The following ADAMTS9 variants were observed in gnomAD, a reference collection of about 807,000 sequenced individuals.
ADAMTS9 encodes A disintegrin and metalloproteinase with thrombospondin motifs 9.
In ADAMTS9, 107 loss-of-function variants were observed where a neutral mutation model predicts 257.1. The ratio of observed to expected loss-of-function variants is 0.42; its 90% CI spans 0.36 to 0.49. ADAMTS9 has a LOEUF of 0.49. Among genes scored for constraint, ADAMTS9 ranks in the 20% least tolerant of loss-of-function variants. The pLI, the probability that ADAMTS9 is intolerant of heterozygous loss-of-function variation, is 0.03. For missense variants in ADAMTS9, 2,353 were observed against 2,469.1 expected, an observed-to-expected ratio of 0.95 and a Z score of 1.00; for synonymous variants, 982 against 880.9, an observed-to-expected ratio of 1.11 and a Z score of -2.03.
intron 37 of ADAMTS9, among the ~76,000 whole-genome samples, chr3:64,538,711 G>C (rs894489626): frequency 6.6e-6 from 1 of 152,170 alleles, no homozygotes; most frequent in Non-Finnish European, 1.5e-5. Context: ...GCTTTTGAGA[G>C]TCAACTGTCT....
In ADAMTS9 at chr3:64,604,013, T is replaced by C. The variant is rs1318545072; in HGVS notation, c.3656A>G (p.Glu1219Gly). Residue 1219 changes from glutamate to glycine, a missense_variant, in exon 25 of 40, where the codon GAG (glutamate) becomes GGG (glycine). Coordinates refer to ENST00000498707, the MANE Select transcript of ADAMTS9 (RefSeq NM_182920.2). ...CRDENGSVADESACATLPRPV... is the reference protein window; with the variant it reads ...CRDENGSVADGSACATLPRPV... ...TCTAGGCAGGGTAGCACAGGCACTC[T>C]CGTCAGCCACAGAGCCATTCTCATC... 2.5e-6 allele frequency: 4 copies of C among 1,614,054 alleles called. No individual in the cohort carries two copies. Among genetic ancestry groups the C allele is most frequent in the Admixed American group, 1.7e-5 (1 of 60,008 alleles).
intron 3 of ADAMTS9, among the ~76,000 whole-genome samples, chr3:64,664,866 T>C (rs11915538): frequency 0.19 from 28,327 of 152,182 alleles, 3,056 homozygotes; most frequent in Non-Finnish European, 0.25. Flanking sequence ...CCAAAGTGGT[T>C]ACACCATTTT....
intron 20 of ADAMTS9, 76 bp downstream of exon 20, chr3:64,615,884 T>G: frequency 6.4e-7 from 1 of 1,560,228 alleles, no homozygotes; most frequent in African/African-American, 1.4e-5. Flanking sequence ...TAAATGGGGC[T>G]TACACACCTG....
At chr3:64,629,952 C>T (rs1186860252) in intron 16 of ADAMTS9, among the ~76,000 whole-genome samples, 3 of 152,200 alleles carry the variant, frequency 2.0e-5, no homozygotes, top group Non-Finnish European at 4.4e-5. Flanking sequence ...TCAACAAATA[C>T]TCATTTACCA....
intron 3 of ADAMTS9, among the ~76,000 whole-genome samples, chr3:64,662,275 C>G (rs566602792): frequency 3.0e-4 from 46 of 152,036 alleles, no homozygotes; most frequent in Non-Finnish European, 4.3e-4. Context: ...CAAATATGTT[C>G]TGTATTACTT....
chr3:64,599,347 G>C (rs2084417957), intron 26 of ADAMTS9, among the ~76,000 whole-genome samples: 1 of 152,102 alleles, frequency 6.6e-6, no homozygotes, highest in South Asian at 2.1e-4. Context: ...ATTTTCTTAG[G>C]TAAACATTTA....
chr3:64,598,571 T>C (rs1462225601), intron 26 of ADAMTS9, among the ~76,000 whole-genome samples: 1 of 152,070 alleles, frequency 6.6e-6, no homozygotes, highest in East Asian at 1.9e-4. Context: ...CCTCCTGTCT[T>C]AGCCTCCCAA....
chr3:64,672,327 T>C (rs1388637872), intron 3 of ADAMTS9, among the ~76,000 whole-genome samples: 1 of 152,214 alleles, frequency 6.6e-6, no homozygotes, highest in Non-Finnish European at 1.5e-5. Flanking sequence ...GGTCCTGAGA[T>C]GGCACAGAAG....
rs369813728 is a variant in ADAMTS9 at position 64,540,532 on chromosome 3, G to A, written c.5521+563C>T. ...GACGACTGAATAAAATTAGTTTTACGTCTGTGTAAGCATGTACACTGTGCT... is the reference window on the plus strand; with the variant it reads ...GACGACTGAATAAAATTAGTTTTACATCTGTGTAAGCATGTACACTGTGCT... On this transcript the variant is annotated intron_variant, in intron 36 of 39. Coordinates refer to ENST00000498707, the MANE Select transcript of ADAMTS9 (RefSeq NM_182920.2). Among the ~76,000 whole-genome samples, 11 of 152,206 alleles carry A rather than the reference G, an allele frequency of 7.2e-5. No homozygotes were observed. The South Asian group carries it at 1.2e-3, about 17-fold the overall frequency.
chr3:64,639,803 G>T (rs1456789607), intron 12 of ADAMTS9, among the ~76,000 whole-genome samples: 4 of 152,148 alleles, frequency 2.6e-5, no homozygotes, highest in Admixed American at 1.3e-4. Flanking sequence ...CAACAAGGAT[G>T]CATAGCTGAG....
chr3:64,546,113 T>C (rs1175017898), intron 32 of ADAMTS9, among the ~76,000 whole-genome samples: 2 of 152,198 alleles, frequency 1.3e-5, no homozygotes, highest in Non-Finnish European at 2.9e-5. Flanking sequence ...ATTTTAAGCA[T>C]TTTTTTAAAA....
At chr3:64,662,010 T>A (rs1165867607) in intron 3 of ADAMTS9, among the ~76,000 whole-genome samples, 1 of 151,834 alleles carries the variant, frequency 6.6e-6, no homozygotes, top group African/African-American at 2.4e-5. Flanking sequence ...AAGTAGAAGG[T>A]TAGGTTATTG....
At position 64,568,431 on chromosome 3, in the gene ADAMTS9, T is replaced by G. The variant is rs1399259609; in HGVS notation, c.4461A>C (p.Pro1487=). ...ESDYCKHLAK[P]HGHRKCRGGR... ...CTCCTCGGCACTTTCTGTGCCCATG[T>G]GGCTTAGCCAGGTGCTTACAGTAAT... The change falls in exon 29 of 40, where the codon CCA becomes CCC. Residue 1487 remains proline, a synonymous_variant. Coordinates refer to ENST00000498707, the MANE Select transcript of ADAMTS9 (RefSeq NM_182920.2). 1 of 1,613,908 alleles carries G rather than the reference T, an allele frequency of 6.2e-7. No homozygotes were observed. The highest frequency in any genetic ancestry group is 8.5e-7 in the Non-Finnish European group (1 of 1,179,966).
intron 29 of ADAMTS9, among the ~76,000 whole-genome samples, chr3:64,562,653 T>G (rs1302480008): frequency 1.3e-5 from 2 of 152,198 alleles, no homozygotes; most frequent in Non-Finnish European, 2.9e-5. Flanking sequence ...ATTTCCAAAT[T>G]TTTGTGATAG....
chr3:64,661,507 T>C (rs1486119815), intron 3 of ADAMTS9, among the ~76,000 whole-genome samples: 1 of 152,196 alleles, frequency 6.6e-6, no homozygotes, highest in Non-Finnish European at 1.5e-5. Context: ...TCAAAGAAAT[T>C]AGCAACTTAT....
At chr3:64,542,878 T>C (rs1291414860) in intron 32 of ADAMTS9, among the ~76,000 whole-genome samples, 5 of 151,074 alleles carry the variant, frequency 3.3e-5, no homozygotes, top group African/African-American at 1.2e-4. Context: ...GCAAGACTAA[T>C]AAAGAAGAAA....
intron 2 of ADAMTS9, among the ~76,000 whole-genome samples, chr3:64,683,780 T>C (rs1297925920): frequency 1.3e-5 from 2 of 152,006 alleles, no homozygotes; most frequent in Admixed American, 6.6e-5. Flanking sequence ...AGCTCCAATA[T>C]AGGAGAAAAA....
intron 30 of ADAMTS9, among the ~76,000 whole-genome samples, chr3:64,552,439 G>A (rs931946334): frequency 2.6e-5 from 4 of 152,198 alleles, no homozygotes; most frequent in African/African-American, 9.6e-5. Flanking sequence ...GCCCCAGTGA[G>A]CTAAGTGAAA....
At chr3:64,636,684 A>G (rs1233645053) in intron 12 of ADAMTS9, among the ~76,000 whole-genome samples, 3 of 152,234 alleles carry the variant, frequency 2.0e-5, no homozygotes, top group Non-Finnish European at 4.4e-5. Flanking sequence ...AATTTTTACA[A>G]AGAAGAAGAT....
Sources: gnomAD v4.1 joint callset for allele counts (sites outside exome capture counted in the v4.1 genomes callset) on GRCh38, gnomAD v4.1.1 for gene constraint, MANE v1.5 for transcripts, NCBI Gene and HGNC (gene_info 2026-07-23, HGNC 2026-07-21) for gene names.